The following CDH8 variants were observed in gnomAD, a reference collection of about 807,000 sequenced individuals.
The protein encoded by CDH8 is cadherin 8.
Under a neutral mutation model 68.1 loss-of-function variants are expected in CDH8, and 17 were observed. The observed-to-expected ratio is 0.25, with a 90% CI of 0.17 to 0.37. CDH8 has a LOEUF of 0.37. Ranked by LOEUF, CDH8 falls within the 10% of genes least tolerant of loss-of-function variation. The probability of loss-of-function intolerance (pLI) is 1.00; values close to 1 mark genes in which losing one functional copy is unlikely to be tolerated. For missense variants in CDH8, 763 were observed against 999.3 expected (o/e 0.76, Z 3.19); for synonymous variants, 372 against 365.1 (o/e 1.02, Z -0.21).
chr16:61,710,311 C>T (rs1964607731), intron 10 of CDH8, among the ~76,000 whole-genome samples: 1 of 151,988 alleles, frequency 6.6e-6, no homozygotes, highest in Non-Finnish European at 1.5e-5. Context: ...TGAACTAGGC[C>T]ACTCGGTTGA....
At chr16:61,916,446 C>T (rs531781219) in intron 2 of CDH8, among the ~76,000 whole-genome samples, 125 of 152,022 alleles carry the variant, frequency 8.2e-4, no homozygotes, top group Non-Finnish European at 1.3e-3. Context: ...ACCCAGGAGG[C>T]GGAGGTTGCA....
intron 10 of CDH8, among the ~76,000 whole-genome samples, chr16:61,666,206 G>GTATATA (rs57098637): frequency 3.0e-4 from 43 of 145,608 alleles, no homozygotes; most frequent in African/African-American, 1.0e-3. Context: ...GTGTGTGTGT[G>GTATATA]TATATATATA....
At chr16:61,906,893 G>A (rs894866790) in intron 2 of CDH8, among the ~76,000 whole-genome samples, 4 of 152,130 alleles carry the variant, frequency 2.6e-5, no homozygotes, top group Non-Finnish European at 5.9e-5. Flanking sequence ...GAATTAAGAC[G>A]TTTTAAAGGA....
chr16:62,002,109 C>T (rs1287123725), intron 2 of CDH8, among the ~76,000 whole-genome samples: 2 of 152,190 alleles, frequency 1.3e-5, no homozygotes, highest in East Asian at 1.9e-4. Flanking sequence ...CTAGTAGATA[C>T]TGTAGAATAA....
At chr16:61,890,591 T>A (rs1005505365) in intron 3 of CDH8, among the ~76,000 whole-genome samples, 3 of 152,126 alleles carry the variant, frequency 2.0e-5, no homozygotes, top group Non-Finnish European at 4.4e-5. Flanking sequence ...GGCGGTGGGG[T>A]AAGAGGAAGA....
chr16:61,913,720 C>T (rs1043089303), intron 2 of CDH8, among the ~76,000 whole-genome samples: 1 of 152,006 alleles, frequency 6.6e-6, no homozygotes, highest in African/African-American at 2.4e-5. Context: ...ACCTGACAAC[C>T]AAAGACGCCC....
intron 9 of CDH8, 134 bp downstream of exon 9, chr16:61,726,960 C>T: frequency 2.2e-6 from 2 of 913,158 alleles, no homozygotes; most frequent in Non-Finnish European, 1.7e-6. Flanking sequence ...CCTCTCTGTT[C>T]CCATTTGGAT....
At chr16:62,011,930 A>G (rs1409409964) in intron 2 of CDH8, among the ~76,000 whole-genome samples, 6 of 152,236 alleles carry the variant, frequency 3.9e-5, no homozygotes, top group African/African-American at 2.4e-5. Context: ...TTTTGTGCAC[A>G]AGGCTGCCTA....
chr16:61,763,850 A>C (rs1960525243), intron 8 of CDH8, among the ~76,000 whole-genome samples: 1 of 152,104 alleles, frequency 6.6e-6, no homozygotes, highest in Non-Finnish European at 1.5e-5. Flanking sequence ...CTTTACGTGA[A>C]GTGATAAATA....
chr16:61,910,051 T>TA (rs949446586), intron 2 of CDH8, among the ~76,000 whole-genome samples: 3 of 152,216 alleles, frequency 2.0e-5, no homozygotes, highest in Middle Eastern at 3.4e-3. Flanking sequence ...CATTTTTTTA[T>TA]AAAAAATATA....
intron 7 of CDH8, among the ~76,000 whole-genome samples, chr16:61,806,782 A>G (rs1460910456): frequency 1.9e-5 from 1 of 52,668 alleles, no homozygotes; most frequent in East Asian, 5.1e-4. Context: ...ATACCATCTC[A>G]CACCAGTTAG....
intron 2 of CDH8, among the ~76,000 whole-genome samples, chr16:61,920,068 G>A (rs1350266699): frequency 6.7e-6 from 1 of 148,868 alleles, no homozygotes; most frequent in Non-Finnish European, 1.5e-5. Flanking sequence ...AGCTGAAACT[G>A]GATCCCTTCC....
rs1963383044 is a variant in CDH8, at chr16:61,653,852, A to T, written c.2156T>A (p.Val719Asp). ...TACATTTATAAATTCATCGACATCAACACCATTTGGAACTGGAGCAAGCCC... is the reference window on the plus strand; with the variant it reads ...TACATTTATAAATTCATCGACATCATCACCATTTGGAACTGGAGCAAGCCC... ...RQGLAPVPNG[V>D]DVDEFINVRL... Residue 719 changes from valine to aspartate, a missense_variant, in exon 12 of 12, where the codon GTT (valine) becomes GAT (aspartate). Physicochemically the swap from Val to Asp is radical, Grantham distance 152. Coordinates refer to ENST00000577390, the MANE Select transcript of CDH8 (RefSeq NM_001796.5). The T allele has an allele frequency of 6.2e-7, 1 of 1,614,068 alleles. No homozygotes were observed. The highest frequency in any genetic ancestry group is 1.7e-5 in the Admixed American group (1 of 59,992).
intron 2 of CDH8, chr16:61,940,109 T>C (rs1412151471): frequency 6.6e-6 from 1 of 152,214 alleles, no homozygotes; most frequent in African/African-American, 2.4e-5. Context: ...AATTCAGTTT[T>C]GAATTATATT....
intron 8 of CDH8, among the ~76,000 whole-genome samples, chr16:61,733,612 G>T (rs187234832): frequency 1.3e-5 from 2 of 151,690 alleles, no homozygotes; most frequent in South Asian, 2.1e-4. Context: ...TCATAAAATC[G>T]TTCCTTGATA....
chr16:61,968,017 C>G (rs974078230), intron 2 of CDH8, among the ~76,000 whole-genome samples: 23 of 152,124 alleles, frequency 1.5e-4, no homozygotes, highest in African/African-American at 5.1e-4. Flanking sequence ...ACCCTGTTGG[C>G]CAGGCTGGTC....
At chr16:61,694,140 G>T (rs892984108) in intron 10 of CDH8, among the ~76,000 whole-genome samples, 5 of 152,042 alleles carry the variant, frequency 3.3e-5, no homozygotes, top group African/African-American at 1.2e-4. Context: ...ATTGACTTTT[G>T]TTTGTTTGTT....
intron 4 of CDH8, among the ~76,000 whole-genome samples, chr16:61,832,024 A>G (rs923032319): frequency 3.3e-5 from 5 of 151,744 alleles, no homozygotes; most frequent in Non-Finnish European, 4.4e-5. Context: ...TGGGGGGGTC[A>G]TGTACTGCAC....
chr16:61,991,480 CAG>C (rs143803181), intron 2 of CDH8, among the ~76,000 whole-genome samples: 217 of 152,322 alleles, frequency 1.4e-3, no homozygotes, highest in African/African-American at 5.1e-3. Context: ...TTCTGTAGCA[CAG>C]GGGAAGTTTA....
Sources: gnomAD v4.1 joint callset for allele counts (sites outside exome capture counted in the v4.1 genomes callset) on GRCh38, gnomAD v4.1.1 for gene constraint, MANE v1.5 for transcripts, NCBI Gene and HGNC (gene_info 2026-07-23, HGNC 2026-07-21) for gene names.